SEZ6L: variants seen among roughly 807,000 people sequenced by gnomAD.
The protein encoded by SEZ6L is seizure related 6 homolog like.
In SEZ6L, 37 loss-of-function variants were observed where a neutral mutation model predicts 106.2. The observed-to-expected ratio is 0.35, with a 90% CI of 0.27 to 0.46. The LOEUF (loss-of-function observed/expected upper bound fraction) is 0.46, where lower values mean the gene tolerates loss of function less well. SEZ6L is among the 20% of genes least tolerant of loss of function. SEZ6L has a pLI of 1.00. For synonymous variants in SEZ6L, 541 were observed against 570.4 expected (o/e 0.95, Z 0.73); for missense variants, 1,172 against 1,332.8 (o/e 0.88, Z 1.88).
chr22:26,285,401 C>T (rs1274864899), intron 1 of SEZ6L, among the ~76,000 whole-genome samples: 1 of 152,170 alleles, frequency 6.6e-6, no homozygotes, highest in Non-Finnish European at 1.5e-5. Context: ...ATACAAGCAA[C>T]ACAAAGCTGA....
chr22:26,373,395 T>C, intron 13 of SEZ6L, 56 bp from the exon 14 acceptor site: 1 of 1,540,838 alleles, frequency 6.5e-7, no homozygotes, highest in Non-Finnish European at 8.8e-7. Flanking sequence ...CCTCATTTCA[T>C]GCAAACGAAG....
intron 9 of SEZ6L, among the ~76,000 whole-genome samples, chr22:26,326,719 CA>C (rs1243669725): frequency 6.6e-6 from 1 of 152,188 alleles, no homozygotes; most frequent in Non-Finnish European, 1.5e-5. Flanking sequence ...GAGAGCTGAG[CA>C]GGCAAGCAGT....
intron 1 of SEZ6L, among the ~76,000 whole-genome samples, chr22:26,175,106 G>T (rs999422587): frequency 2.6e-5 from 4 of 152,198 alleles, no homozygotes; most frequent in African/African-American, 9.7e-5. Context: ...AAGACCACAT[G>T]CAGATTCTGA....
chr22:26,311,971 A>T lies in SEZ6L; in HGVS notation c.1876+9A>T. ...AGAGCCCCTGTGCAGAGGTGAGCGGATCCACAACGCTCTTCCCACGGCACC... is the reference window on the plus strand; with the variant it reads ...AGAGCCCCTGTGCAGAGGTGAGCGGTTCCACAACGCTCTTCCCACGGCACC... On this transcript the variant is annotated intron_variant, in intron 8 of 16. Transcript: ENST00000248933. 1 of 1,611,084 alleles carries T rather than the reference A, an allele frequency of 6.2e-7. No homozygotes were observed. Among genetic ancestry groups the T allele is most frequent in the Non-Finnish European group, 8.5e-7 (1 of 1,177,920 alleles).
At chr22:26,311,011 A>G (rs1454387277) in intron 7 of SEZ6L, among the ~76,000 whole-genome samples, 175 bp downstream of exon 7, 3 of 152,224 alleles carry the variant, frequency 2.0e-5, no homozygotes, top group African/African-American at 4.8e-5. Context: ...AACAATGCCT[A>G]TCATTAACTG....
Position 26,340,530 on chromosome 22 carries a change from C to T in SEZ6L, c.2110C>T (p.Gln704Ter). ...GCAGTACCTTGGGAACAGTGGCCCC[C>T]AGAAACTGTACTCCTCCACGCCAGA... Reference protein sequence around the residue: ...LGQYLGNSGPQKLYSSTPDLT... With the variant: ...LGQYLGNSGP Residue 704 changes from glutamine to a stop codon, truncating the protein, a stop_gained, in exon 10 of 17, where the codon CAG (glutamine) becomes TAG (stop). Coordinates refer to ENST00000248933, the MANE Select transcript of SEZ6L (RefSeq NM_021115.5). LOFTEE classifies it high-confidence loss of function. 6.2e-7 allele frequency: 1 copy of T among 1,614,166 alleles called. No individual in the cohort carries two copies. Among genetic ancestry groups the T allele is most frequent in the Non-Finnish European group, 8.5e-7 (1 of 1,180,018 alleles).
At chr22:26,176,737 T>C (rs747089876) in intron 1 of SEZ6L, among the ~76,000 whole-genome samples, 5 of 152,232 alleles carry the variant, frequency 3.3e-5, no homozygotes, top group Non-Finnish European at 7.3e-5. Flanking sequence ...TCATAGCTCA[T>C]TGCAAGCACT....
intron 4 of SEZ6L, among the ~76,000 whole-genome samples, chr22:26,298,392 G>A (rs184354881): frequency 7.5e-4 from 114 of 152,286 alleles, no homozygotes; most frequent in Middle Eastern, 3.4e-3. Context: ...TACTGACTGC[G>A]AAGGAGGCTC....
chr22:26,179,838 G>A (rs1031757991), intron 1 of SEZ6L, among the ~76,000 whole-genome samples: 2 of 151,962 alleles, frequency 1.3e-5, no homozygotes, highest in East Asian at 1.9e-4. Context: ...TTACCCATTC[G>A]CTATTATGGC....
intron 9 of SEZ6L, among the ~76,000 whole-genome samples, chr22:26,328,017 A>G (rs924712065): frequency 6.6e-6 from 1 of 152,148 alleles, no homozygotes; most frequent in Non-Finnish European, 1.5e-5. Flanking sequence ...CCCCAGATCA[A>G]CCCCTTCCTT....
At chr22:26,304,423 A>G (rs1401123370) in intron 5 of SEZ6L, among the ~76,000 whole-genome samples, 1 of 150,506 alleles carries the variant, frequency 6.6e-6, no homozygotes, top group Admixed American at 6.6e-5. Flanking sequence ...AAAGAAAGAA[A>G]GAAAGAAAAA....
At position 26,377,724 on chromosome 22, in the gene SEZ6L, C is replaced by T; in HGVS notation, c.2994C>T (p.Tyr998=). 3 of 1,614,080 alleles carry T rather than the reference C, an allele frequency of 1.9e-6. No homozygotes were observed. The highest frequency in any genetic ancestry group is 2.5e-6 in the Non-Finnish European group (3 of 1,179,946). ...LRLPLMYSHP[Y]SQITVETEFD... ...TGCCTCTGATGTACTCCCACCCCTACAGCCAGATCACCGTGGAAACCGAGT... is the reference window on the plus strand; with the variant it reads ...TGCCTCTGATGTACTCCCACCCCTATAGCCAGATCACCGTGGAAACCGAGT... Residue 998 remains tyrosine, a synonymous_variant, in exon 16 of 17, where the codon TAC becomes TAT. Coordinates refer to ENST00000248933, the MANE Select transcript of SEZ6L (RefSeq NM_021115.5).
chr22:26,327,455 A>G (rs1336103341), intron 9 of SEZ6L, among the ~76,000 whole-genome samples: 1 of 127,362 alleles, frequency 7.9e-6, no homozygotes, highest in African/African-American at 2.8e-5. Flanking sequence ...TACACACACC[A>G]CACACCATAC....
intron 1 of SEZ6L, among the ~76,000 whole-genome samples, chr22:26,284,644 G>C (rs2080879341): frequency 6.8e-6 from 1 of 145,988 alleles, no homozygotes; most frequent in Non-Finnish European, 1.5e-5. Flanking sequence ...CCTAATGACG[G>C]TTTAAACAAG....
chr22:26,363,119 T>C (rs1203112679), intron 12 of SEZ6L, among the ~76,000 whole-genome samples: 14 of 152,234 alleles, frequency 9.2e-5, no homozygotes, highest in African/African-American at 3.1e-4. Flanking sequence ...CAGCCAGTCA[T>C]TGCCATGTAA....
chr22:26,308,099 A>G (rs2081693039), intron 6 of SEZ6L, among the ~76,000 whole-genome samples: 1 of 152,224 alleles, frequency 6.6e-6, no homozygotes. Flanking sequence ...AGAGAAATCA[A>G]TTATGTCTGT....
chr22:26,380,213 A>G, intron 16 of SEZ6L, 53 bp from the exon 17 acceptor site: 1 of 1,581,706 alleles, frequency 6.3e-7, no homozygotes. Context: ...CCCCCTATGT[A>G]TATCACTCTA....
chr22:26,266,092 T>C (rs1051794894), intron 1 of SEZ6L, among the ~76,000 whole-genome samples: 40 of 152,142 alleles, frequency 2.6e-4, no homozygotes, highest in African/African-American at 9.2e-4. Context: ...TAGGACCAGC[T>C]CACAAGGACA....
chr22:26,207,636 A>G (rs1402012726), intron 1 of SEZ6L, among the ~76,000 whole-genome samples: 1 of 151,224 alleles, frequency 6.6e-6, no homozygotes, highest in Non-Finnish European at 1.5e-5. Context: ...AATTATTCTA[A>G]TATTTTAGAA....
Sources: gnomAD v4.1 joint callset for allele counts (sites outside exome capture counted in the v4.1 genomes callset) on GRCh38, gnomAD v4.1.1 for gene constraint, MANE v1.5 for transcripts, NCBI Gene and HGNC (gene_info 2026-07-23, HGNC 2026-07-21) for gene names.